APBB2: variants seen among roughly 807,000 people sequenced by gnomAD.
APBB2 encodes amyloid beta precursor protein binding family B member 2, also known as Fe65-like 1.
A neutral mutation model predicts 82.5 loss-of-function variants in APBB2; 38 were observed. The ratio of observed to expected loss-of-function variants is 0.46; its 90% confidence interval spans 0.36 to 0.60. APBB2 has a LOEUF of 0.60. Among genes scored for constraint, APBB2 ranks in the 20% least tolerant of loss-of-function variants. APBB2 has a pLI of 0.00. For missense variants in APBB2, 772 were observed against 972.3 expected (o/e 0.79, Z 2.74); for synonymous variants, 341 against 368.2 (o/e 0.93, Z 0.85).
chr4:41,067,362 T>C (rs975478337), intron 3 of APBB2, among the ~76,000 whole-genome samples: 2 of 150,584 alleles, frequency 1.3e-5, no homozygotes, highest in African/African-American at 4.9e-5. Context: ...TAAGCTGAGA[T>C]CGTGCCATTG....
chr4:41,009,434 T>C (rs757515703), intron 6 of APBB2, among the ~76,000 whole-genome samples: 1 of 152,156 alleles, frequency 6.6e-6, no homozygotes, highest in African/African-American at 2.4e-5. Flanking sequence ...ACATATTGTA[T>C]ACATGATTGA....
chr4:40,904,932 G>A (rs73150529), intron 10 of APBB2, among the ~76,000 whole-genome samples: 5,869 of 152,078 alleles, frequency 0.039, 369 homozygotes, highest in African/African-American at 0.13. Context: ...CCCCCAGACT[G>A]TCTACAATAC....
intron 1 of APBB2, among the ~76,000 whole-genome samples, chr4:41,209,444 A>G (rs1778779451): frequency 6.6e-6 from 1 of 152,252 alleles, no homozygotes; most frequent in Admixed American, 6.5e-5. Context: ...CATCTGTCCA[A>G]CACAGTGACA....
intron 5 of APBB2, among the ~76,000 whole-genome samples, chr4:41,028,612 A>G (rs1715455725): frequency 6.6e-6 from 1 of 152,224 alleles, no homozygotes; most frequent in Non-Finnish European, 1.5e-5. Flanking sequence ...GAAATATGAT[A>G]CTGCTGGACT....
At chr4:40,911,594 T>C (rs10938438) in intron 10 of APBB2, among the ~76,000 whole-genome samples, 49,011 of 152,064 alleles carry the variant, frequency 0.32, 8,113 homozygotes, top group South Asian at 0.35. Flanking sequence ...GGGCTTACTC[T>C]GCCCAATCCA....
At chr4:41,152,288 G>T (rs539300415) in intron 1 of APBB2, among the ~76,000 whole-genome samples, 5 of 150,502 alleles carry the variant, frequency 3.3e-5, no homozygotes, top group East Asian at 3.9e-4. Context: ...AGTCCTTAGG[G>T]TTCTAAATCT....
chr4:40,872,695 A>T (rs1765837929), intron 12 of APBB2, among the ~76,000 whole-genome samples: 1 of 152,138 alleles, frequency 6.6e-6, no homozygotes, highest in Non-Finnish European at 1.5e-5. Flanking sequence ...AGGAATGAGG[A>T]TGATGTGGCC....
At chr4:40,816,550 G>A (rs1745721859) in intron 17 of APBB2, among the ~76,000 whole-genome samples, 1 of 152,182 alleles carries the variant, frequency 6.6e-6, no homozygotes, top group Non-Finnish European at 1.5e-5. Flanking sequence ...CAGTCAATGA[G>A]CTAATGAAAC....
rs866538819 is a variant in APBB2 at position 41,127,878 on chromosome 4, G to C, written c.-261+15109C>G. On this transcript the variant is annotated intron_variant, in intron 2 of 17. Transcript: ENST00000508593. This position sits in a 1 kb window ranked among gnomAD's most constrained non-coding sequence, Gnocchi z 4.8. The stretch of plus-strand genomic sequence containing the variant: ...GTGGATTACCTGAGGTCAGGAGTTC[G>C]AGACCAGCCTGGCCAACTTGATGCA... Among the ~76,000 whole-genome samples the C allele has an allele frequency of 6.6e-6, 1 of 152,050 alleles. No individual in the cohort carries two copies. Among genetic ancestry groups the C allele is most frequent in the Non-Finnish European group, 1.5e-5 (1 of 67,990 alleles).
intron 17 of APBB2, among the ~76,000 whole-genome samples, chr4:40,818,016 C>G (rs1746402630): frequency 6.6e-6 from 1 of 152,206 alleles, no homozygotes; most frequent in Non-Finnish European, 1.5e-5. Flanking sequence ...TGTTGGAATT[C>G]ATAAAGGGTC....
Position 40,940,312 on chromosome 4 carries a change from G to C in APBB2, c.1044+4553C>G, listed in dbSNP as rs79957610. ...GGAGGCTATAGTCATTAGAGGACCT[G>C]CTGTCCTACTTACTCAGCGTAAATC... On this transcript the variant is annotated intron_variant, in intron 7 of 17. Coordinates refer to ENST00000508593, the MANE Select transcript of APBB2 (RefSeq NM_004307.2). Among the ~76,000 whole-genome samples, 17 of 152,334 alleles carry C rather than the reference G, an allele frequency of 1.1e-4. No individual in the cohort carries two copies. In the East Asian group the frequency reaches 3.3e-3, roughly 29 times the overall value.
At chr4:40,909,959 G>A (rs1395020014) in intron 10 of APBB2, among the ~76,000 whole-genome samples, 1 of 152,082 alleles carries the variant, frequency 6.6e-6, no homozygotes, top group Non-Finnish European at 1.5e-5. Flanking sequence ...TGAGGTTCAG[G>A]GAACTTAGTT....
At chr4:40,979,898 T>C (rs1057164428) in intron 6 of APBB2, among the ~76,000 whole-genome samples, 38 of 152,342 alleles carry the variant, frequency 2.5e-4, no homozygotes, top group African/African-American at 8.7e-4. Context: ...ACACAGAAGC[T>C]ATGGACGTTG....
chr4:41,025,318 T>C (rs1336846266), intron 5 of APBB2, among the ~76,000 whole-genome samples: 2 of 151,348 alleles, frequency 1.3e-5, no homozygotes, highest in African/African-American at 2.4e-5. Flanking sequence ...AATATGCAAA[T>C]CAAATCAGAA....
chr4:40,956,773 T>C (rs900133466), intron 6 of APBB2, among the ~76,000 whole-genome samples: 1 of 152,208 alleles, frequency 6.6e-6, no homozygotes, highest in Non-Finnish European at 1.5e-5. Flanking sequence ...GATTCTTGAG[T>C]AAATATTCCA....
chr4:40,946,254 A>ACAAAAAAAAAAAAAAAAAC (rs1553875176), intron 6 of APBB2, among the ~76,000 whole-genome samples: 1 of 114,560 alleles, frequency 8.7e-6, no homozygotes, highest in Non-Finnish European at 1.8e-5. Context: ...AAAAAAAAAA[A>ACAAAAAAAAAAAAAAAAAC]CATTCCCAAG....
At position 40,918,457 on chromosome 4, in the gene APBB2, C is replaced by T. The variant is rs114022495; in HGVS notation, c.1254+15999G>A. 8.0e-3 allele frequency among the ~76,000 whole-genome samples: 1,225 copies of T among 152,350 alleles called. 10 individuals carry two copies. The highest frequency in any genetic ancestry group is 0.017 in the Middle Eastern group (5 of 294). On this transcript the variant is annotated intron_variant, in intron 10 of 17. Coordinates refer to ENST00000508593, the MANE Select transcript of APBB2 (RefSeq NM_004307.2). The stretch of plus-strand genomic sequence containing the variant: ...TTTGGGGGAAAATGTTTTATAGGCA[C>T]TACACTATTTACCCACAGCCTATCT...
At chr4:40,991,304 A>T (rs1802034669) in intron 6 of APBB2, among the ~76,000 whole-genome samples, 1 of 149,704 alleles carries the variant, frequency 6.7e-6, no homozygotes, top group South Asian at 2.1e-4. Flanking sequence ...GGTGTGAGCC[A>T]CCGTGCCTTG....
chr4:40,982,310 GAAAGAAAGAAAGAAAA>G (rs1798960839), intron 6 of APBB2, among the ~76,000 whole-genome samples: 7 of 49,350 alleles, frequency 1.4e-4, no homozygotes, highest in Non-Finnish European at 2.4e-4. Context: ...AGGAAGGAAA[GAAAGAAAGAAAGAAAA>G]GAAAGAAGGA....
Sources: gnomAD v4.1 joint callset for allele counts (sites outside exome capture counted in the v4.1 genomes callset) on GRCh38, gnomAD v4.1.1 for gene constraint, Gnocchi (gnomAD v3.1) non-coding constraint, MANE v1.5 for transcripts, NCBI Gene and HGNC (gene_info 2026-07-23, HGNC 2026-07-21) for gene names.